Variants in ZNF600 observed in about 807,000 individuals in gnomAD.
ZNF600 encodes zinc finger protein 600, also known as zinc finger protein KR-ZNF1.
In ZNF600, 4 loss-of-function variants were observed where a neutral mutation model predicts 7.3. The observed-to-expected ratio is 0.55, with a 90% CI of 0.27 to 1.25. ZNF600 has a LOEUF of 1.25. Ranked by LOEUF, ZNF600 falls within the 50% of genes most tolerant of loss-of-function variation. The pLI, the probability that ZNF600 is intolerant of heterozygous loss-of-function variation, is 0.12. For synonymous variants in ZNF600, 290 were observed against 308.9 expected (o/e 0.94, Z 0.64); for missense variants, 911 against 922.1 (o/e 0.99, Z 0.16).
chr19:52,811,774 C>A, the ZNF600 span, among the ~76,000 whole-genome samples: 1 of 148,286 alleles, frequency 6.7e-6, no homozygotes, highest in Non-Finnish European at 1.5e-5. Flanking sequence ...GGGGGTCAGC[C>A]CCCCGCCCGG....
the ZNF600 span, among the ~76,000 whole-genome samples, chr19:52,829,345 C>G: frequency 6.6e-6 from 1 of 150,580 alleles, no homozygotes; most frequent in African/African-American, 2.4e-5. Context: ...AGGTATCTCT[C>G]CCAATGCTAT....
At chr19:52,807,975 A>C in the ZNF600 span, 1 of 1,612,142 alleles carries the variant, frequency 6.2e-7, no homozygotes, top group Non-Finnish European at 8.5e-7. Context: ...ACAAAGATAC[A>C]CAAGGGCACA....
At chr19:52,809,997 G>A in the ZNF600 span, 4 of 764,632 alleles carry the variant, frequency 5.2e-6, 1 homozygote, top group South Asian at 1.5e-5. Context: ...ACTGGAGCCT[G>A]AGGAGCTGCT....
Position 52,778,940 on chromosome 19 carries a change from G to C in ZNF600, c.-19-33C>G, listed in dbSNP as rs1307114935. The C allele has an allele frequency of 2.6e-6, 4 of 1,568,502 alleles. No homozygotes were observed. In the African/African-American group the frequency reaches 5.5e-5, roughly 21 times the overall value. On this transcript the variant is annotated intron_variant, in intron 1 of 3. Transcript: ENST00000648973. ...TGAAAAAAAATGAGACTTCTTGTTA[G>C]AAATGACTCACTCCCATCCTGTGAC...
the ZNF600 span, among the ~76,000 whole-genome samples, chr19:52,825,657 G>T: frequency 7.2e-3 from 1,094 of 152,060 alleles, 10 homozygotes; most frequent in African/African-American, 0.025. Flanking sequence ...TGAGACACCG[G>T]TCTCACAAAA....
the ZNF600 span, among the ~76,000 whole-genome samples, chr19:52,803,910 T>A: frequency 1.3e-5 from 2 of 151,996 alleles, no homozygotes; most frequent in East Asian, 1.9e-4. Context: ...TGAGCTGAGA[T>A]CATGCCACTG....
Position 52,774,426 on chromosome 19 carries a change from T to C in ZNF600, c.190+149A>G, listed in dbSNP as rs1354067297. ...CCTGGGTAACAAGAGCGAAGATCCA[T>C]CTCAAACAAAAAAACAAAACAAAAA... On this transcript the variant is annotated intron_variant, in intron 3 of 3. Transcript: ENST00000648973. 6.9e-6 allele frequency: 6 copies of C among 864,608 alleles called. No homozygotes were observed. In the African/African-American group the frequency reaches 1.2e-4, roughly 17 times the overall value. 53.6% of individuals were successfully genotyped at this position (864,608 alleles called of 1,614,324 possible). A position where few individuals can be genotyped will look rare whatever the true frequency, so the allele number is the denominator to read the frequency against.
chr19:52,801,305 A>G, the ZNF600 span: 8 of 1,614,136 alleles, frequency 5.0e-6, no homozygotes, highest in Non-Finnish European at 6.8e-6. Flanking sequence ...GCCTACAACA[A>G]ATTCTTTGGG....
the ZNF600 span, chr19:52,808,257 G>A: frequency 6.6e-6 from 10 of 1,505,110 alleles, no homozygotes; most frequent in Non-Finnish European, 8.0e-6. Context: ...CCGAGTGACG[G>A]ATTTTTCACC....
chr19:52,791,773 C>T (rs1029500924), upstream of ZNF600, among the ~76,000 whole-genome samples: 4 of 152,168 alleles, frequency 2.6e-5, no homozygotes, highest in Admixed American at 6.5e-5. Flanking sequence ...CTTCAGATCT[C>T]GCCCCCCTCC....
intron 1 of ZNF600, among the ~76,000 whole-genome samples, chr19:52,780,288 A>G (rs1340938377): frequency 2.0e-5 from 3 of 152,106 alleles, no homozygotes; most frequent in African/African-American, 4.8e-5. Context: ...CTGCAGTGTC[A>G]AATGAGGGCT....
upstream of ZNF600, among the ~76,000 whole-genome samples, chr19:52,788,218 T>G (rs887241196): frequency 3.9e-5 from 6 of 152,188 alleles, no homozygotes; most frequent in East Asian, 3.9e-4. Flanking sequence ...AGGCATGGGT[T>G]AGTGTGAGCA....
chr19:52,803,814 C>G, the ZNF600 span, among the ~76,000 whole-genome samples: 1 of 151,882 alleles, frequency 6.6e-6, no homozygotes, highest in Non-Finnish European at 1.5e-5. Flanking sequence ...AAAAAATTAG[C>G]TGGGTGTGGT....
chr19:52,814,102 T>G, the ZNF600 span, among the ~76,000 whole-genome samples: 1 of 146,562 alleles, frequency 6.8e-6, no homozygotes, highest in Non-Finnish European at 1.5e-5. Flanking sequence ...AATACACGTG[T>G]ACAAGACTTG....
the ZNF600 span, among the ~76,000 whole-genome samples, chr19:52,792,995 C>G: frequency 2.6e-5 from 4 of 152,084 alleles, no homozygotes; most frequent in African/African-American, 7.2e-5. Context: ...CTCGGCCTCC[C>G]AAAGTGCTGG....
the ZNF600 span, chr19:52,799,403 G>T: frequency 1.6e-6 from 1 of 642,684 alleles, no homozygotes; most frequent in Non-Finnish European, 2.8e-6. Context: ...GGTTTGATTT[G>T]CAACCGAAAA....
chr19:52,788,257 A>G (rs752585715), upstream of ZNF600, among the ~76,000 whole-genome samples: 2 of 152,180 alleles, frequency 1.3e-5, no homozygotes, highest in Non-Finnish European at 2.9e-5. Context: ...CTTCAGACTC[A>G]CAGAAGACTG....
chr19:52,765,294 A>C, exon 4 of ZNF600: 2 of 638,592 alleles, frequency 3.1e-6, no homozygotes, highest in South Asian at 2.8e-5. Flanking sequence ...ATGTCTAATG[A>C]GGTGTGAACA....
chr19:52,772,322 G>C (rs1356901226), intron 3 of ZNF600, among the ~76,000 whole-genome samples: 1 of 151,840 alleles, frequency 6.6e-6, no homozygotes, highest in Admixed American at 6.6e-5. Context: ...AACAAAAAAG[G>C]CCAGACACAG....
Sources: allele counts gnomAD v4.1 joint callset (sites outside exome capture counted in the v4.1 genomes callset), GRCh38; gene constraint gnomAD v4.1.1; transcripts MANE v1.5; gene names NCBI Gene and HGNC (gene_info 2026-07-23, HGNC 2026-07-21).